The following VTI1A variants were observed in gnomAD, a reference collection of about 807,000 sequenced individuals.
The protein encoded by VTI1A is vesicle transport through interaction with t-SNAREs 1A, also known as vesicle transport through interaction with t-SNAREs homolog 1A.
Under a neutral mutation model 34.9 loss-of-function variants are expected in VTI1A, and 22 were observed. The observed-to-expected ratio is 0.63, with a 90% CI of 0.45 to 0.90. The LOEUF (loss-of-function observed/expected upper bound fraction) is 0.90. Ranked by LOEUF, VTI1A falls within the 40% of genes least tolerant of loss-of-function variation. VTI1A has a pLI of 0.00. For synonymous variants in VTI1A, 87 were observed against 97.3 expected, an observed-to-expected ratio of 0.89 and a Z score of 0.62; for missense variants, 268 against 275.6, an observed-to-expected ratio of 0.97 and a Z score of 0.20.
chr10:112,841,326 C>T, the VTI1A span, among the ~76,000 whole-genome samples: 7 of 152,170 alleles, frequency 4.6e-5, no homozygotes, highest in African/African-American at 1.7e-4. Context: ...TGCATCATCC[C>T]ATGTATGAAG....
At chr10:112,774,092 T>G (rs1037126029) in intron 7 of VTI1A, among the ~76,000 whole-genome samples, 1 of 152,194 alleles carries the variant, frequency 6.6e-6, no homozygotes, top group Non-Finnish European at 1.5e-5. Flanking sequence ...CACCTAATGC[T>G]CATGCCATTT....
chr10:112,571,260 C>T (rs2134363855), intron 5 of VTI1A, among the ~76,000 whole-genome samples: 1 of 152,284 alleles, frequency 6.6e-6, no homozygotes, highest in East Asian at 1.9e-4. Context: ...TCTATTCCTT[C>T]CAAGTTTATA....
the VTI1A span, among the ~76,000 whole-genome samples, chr10:112,853,377 T>A: frequency 1.3e-5 from 2 of 152,194 alleles, no homozygotes; most frequent in African/African-American, 4.8e-5. Flanking sequence ...ATGCAGGGTC[T>A]GATAGTGGGC....
Position 112,447,480 on chromosome 10 carries a change from C to G in VTI1A, c.94+13C>G. The G allele has an allele frequency of 6.2e-7, 1 of 1,612,166 alleles. No homozygotes were observed. The highest frequency in any genetic ancestry group is 8.5e-7 in the Non-Finnish European group (1 of 1,179,424). Reference sequence around the variant, plus strand: ...CGACTCCCGCCTGGTGAGAGCCTTGCCCGGCTGGACGAGGGTGCTGGGGAG... The same window carrying G: ...CGACTCCCGCCTGGTGAGAGCCTTGGCCGGCTGGACGAGGGTGCTGGGGAG... On this transcript the variant is annotated intron_variant, in intron 1 of 7. Coordinates refer to ENST00000393077, the MANE Select transcript of VTI1A (RefSeq NM_145206.4).
chr10:112,790,654 C>G (rs367880269), intron 7 of VTI1A, among the ~76,000 whole-genome samples: 2 of 152,092 alleles, frequency 1.3e-5, no homozygotes, highest in Admixed American at 1.3e-4. Flanking sequence ...GCCAACTAAG[C>G]TAAGGGGTGA....
chr10:112,512,105 G>A (rs1159271303), intron 3 of VTI1A, among the ~76,000 whole-genome samples: 1 of 152,046 alleles, frequency 6.6e-6, no homozygotes, highest in African/African-American at 2.4e-5. Context: ...GGATCGAATG[G>A]TACTTCTATT....
chr10:112,523,936 G>A (rs1301674287), intron 3 of VTI1A, among the ~76,000 whole-genome samples: 2 of 152,068 alleles, frequency 1.3e-5, no homozygotes, highest in Admixed American at 6.6e-5. Flanking sequence ...AAATATTTTA[G>A]TGAAGTTTAT....
chr10:112,470,413 G>A (rs1449557920), intron 3 of VTI1A, among the ~76,000 whole-genome samples: 1 of 152,176 alleles, frequency 6.6e-6, no homozygotes, highest in Non-Finnish European at 1.5e-5. Flanking sequence ...CATAACTGAA[G>A]CTTTTATACT....
chr10:112,493,075 G>A (rs1408653577), intron 3 of VTI1A, among the ~76,000 whole-genome samples: 1 of 152,066 alleles, frequency 6.6e-6, no homozygotes, highest in Non-Finnish European at 1.5e-5. Flanking sequence ...AAATCAATAT[G>A]GGAGAAATTG....
At position 112,818,601 on chromosome 10, in the gene VTI1A, C is replaced by T. The variant is rs553552822; in HGVS notation, c.*3218C>T. ...GACAGCCGTCAGTCCCAGAGGGGCTCATTAAATCATAAAAACTTGACAAGG... is the reference window on the plus strand; with the variant it reads ...GACAGCCGTCAGTCCCAGAGGGGCTTATTAAATCATAAAAACTTGACAAGG... On this transcript the variant is annotated 3_prime_UTR_variant, in exon 8 of 8. Transcript: ENST00000393077. 1.4e-5 allele frequency: 3 copies of T among 221,000 alleles called. No homozygotes were observed. The highest frequency in any genetic ancestry group is 1.8e-4 in the South Asian group (1 of 5,416). The allele number at this position is 221,000 out of a possible 1,614,324, so 13.7% of individuals were successfully genotyped here. A position where few individuals can be genotyped will look rare whatever the true frequency, so the allele number is the denominator to read the frequency against.
In VTI1A at chr10:112,765,231, C is replaced by T. The variant is rs548296369; in HGVS notation, c.561-50059C>T. On this transcript the variant is annotated intron_variant, in intron 7 of 7. Transcript: ENST00000393077. ...TTTGTTTTGTTTTGTTTTTTTGAGA[C>T]GGAGTCTCGCTCTGTCACCCAGGCT... is the stretch of plus-strand genomic sequence containing the variant. Among the ~76,000 whole-genome samples, 16 of 141,268 alleles carry T rather than the reference C, an allele frequency of 1.1e-4. No individual in the cohort carries two copies. In the South Asian group the frequency reaches 1.8e-3, roughly 16 times the overall value. 92.7% of individuals were successfully genotyped at this position (141,268 alleles called of 152,430 possible). A position where few individuals can be genotyped will look rare whatever the true frequency, so the allele number is the denominator to read the frequency against.
intron 3 of VTI1A, among the ~76,000 whole-genome samples, chr10:112,526,408 C>A (rs979676466): frequency 8.5e-5 from 13 of 152,112 alleles, no homozygotes; most frequent in African/African-American, 3.1e-4. Context: ...AATTTAGTTT[C>A]TTTTACCAGA....
At chr10:112,496,463 C>T (rs966988336) in intron 3 of VTI1A, among the ~76,000 whole-genome samples, 6 of 151,770 alleles carry the variant, frequency 4.0e-5, no homozygotes, top group East Asian at 1.9e-4. Flanking sequence ...CCCAGCTTCT[C>T]GGGAGGCTGA....
At chr10:112,591,750 G>A (rs968613624) in intron 5 of VTI1A, among the ~76,000 whole-genome samples, 1 of 152,096 alleles carries the variant, frequency 6.6e-6, no homozygotes, top group Non-Finnish European at 1.5e-5. Flanking sequence ...TGGGCAGAAG[G>A]GTCCCCTTCC....
intron 4 of VTI1A, among the ~76,000 whole-genome samples, chr10:112,527,706 C>CATAATAATA (rs57108083): frequency 1.1e-3 from 163 of 147,090 alleles, no homozygotes; most frequent in East Asian, 3.6e-3. Context: ...AAATAATAGT[C>CATAATAATA]ATAATAATAA....
At chr10:112,705,234 C>T (rs1849154999) in intron 7 of VTI1A, among the ~76,000 whole-genome samples, 1 of 152,064 alleles carries the variant, frequency 6.6e-6, no homozygotes, top group Non-Finnish European at 1.5e-5. Context: ...GGTCAGGATT[C>T]TTAGATTCAG....
At chr10:112,520,645 G>A (rs113643783) in intron 3 of VTI1A, among the ~76,000 whole-genome samples, 2,511 of 110,836 alleles carry the variant, frequency 0.023, 50 homozygotes, top group African/African-American at 0.06. Context: ...GTGTGTGTGT[G>A]TGTATATATA....
chr10:112,660,245 C>G (rs966376240), intron 5 of VTI1A, among the ~76,000 whole-genome samples: 1 of 152,132 alleles, frequency 6.6e-6, no homozygotes, highest in African/African-American at 2.4e-5. Context: ...GAACTACAGG[C>G]GCACGCCACC....
chr10:112,489,057 G>A (rs1000692261), intron 3 of VTI1A, among the ~76,000 whole-genome samples: 1 of 152,146 alleles, frequency 6.6e-6, no homozygotes, highest in Non-Finnish European at 1.5e-5. Context: ...AGAATCACTG[G>A]GAGTGCTTGT....
Sources: gnomAD v4.1 joint callset for allele counts (sites outside exome capture counted in the v4.1 genomes callset) on GRCh38, gnomAD v4.1.1 for gene constraint, MANE v1.5 for transcripts, NCBI Gene and HGNC (gene_info 2026-07-23, HGNC 2026-07-21) for gene names.